Variants in IFT140 observed in about 807,000 individuals in gnomAD.
IFT140 encodes intraflagellar transport protein 140 homolog.
A neutral mutation model predicts 164.6 loss-of-function variants in IFT140; 133 were observed. The ratio of observed to expected loss-of-function variants is 0.81; its 90% CI spans 0.70 to 0.93. The LOEUF is 0.93. Among genes scored for constraint, IFT140 ranks in the 40% least tolerant of loss-of-function variants. IFT140 has a pLI of 0.00. For missense variants in IFT140, 2,045 were observed against 1,972.3 expected, an observed-to-expected ratio of 1.04 and a Z score of -0.70; for synonymous variants, 860 against 817.3, an observed-to-expected ratio of 1.05 and a Z score of -0.89.
chr16:1,565,584 C>T (rs1343959617), intron 16 of IFT140, among the ~76,000 whole-genome samples: 1 of 152,180 alleles, frequency 6.6e-6, no homozygotes, highest in African/African-American at 2.4e-5. Context: ...ATATGCAGGC[C>T]CCAGGGTGCC....
At chr16:1,540,125 C>T (rs955711675) in intron 19 of IFT140, among the ~76,000 whole-genome samples, 15 of 152,194 alleles carry the variant, frequency 9.9e-5, no homozygotes, top group African/African-American at 3.6e-4. Flanking sequence ...ACGCCGAAAG[C>T]CTAGACTGAG....
intron 15 of IFT140, 40 bp from the exon 16 acceptor site, chr16:1,566,331 C>A (rs1489579135): frequency 6.2e-7 from 1 of 1,607,736 alleles, no homozygotes; most frequent in Admixed American, 1.7e-5. Context: ...GGAGCCTGCC[C>A]AGACCAGCGG....
intron 19 of IFT140, 63 bp downstream of exon 19, chr16:1,557,872 G>T: frequency 6.6e-7 from 1 of 1,507,880 alleles, no homozygotes. Flanking sequence ...AGGCAAACAG[G>T]GAGAAAGGAA....
chr16:1,596,906 G>A (rs904938571), intron 4 of IFT140, among the ~76,000 whole-genome samples: 1 of 152,060 alleles, frequency 6.6e-6, no homozygotes, highest in Non-Finnish European at 1.5e-5. Flanking sequence ...TGAATTCTGC[G>A]TTATTTCACA....
intron 14 of IFT140, among the ~76,000 whole-genome samples, chr16:1,569,213 T>C (rs2033891750): frequency 6.6e-6 from 1 of 152,064 alleles, no homozygotes; most frequent in Admixed American, 6.6e-5. Context: ...TTCACCGTGT[T>C]AGCCAAGATG....
intron 14 of IFT140, among the ~76,000 whole-genome samples, chr16:1,569,490 C>T (rs1262929897): frequency 2.8e-5 from 4 of 143,256 alleles, no homozygotes; most frequent in Non-Finnish European, 6.1e-5. Context: ...TCTTTCCCTC[C>T]TCCCTCCCTC....
intron 17 of IFT140, among the ~76,000 whole-genome samples, chr16:1,562,560 T>G (rs1596369743): frequency 6.6e-6 from 1 of 151,928 alleles, no homozygotes; most frequent in Admixed American, 6.6e-5. Context: ...GATCACGAGG[T>G]CAGGAGTTTG....
At chr16:1,588,674 T>A (rs936404442) in intron 7 of IFT140, among the ~76,000 whole-genome samples, 17 of 151,936 alleles carry the variant, frequency 1.1e-4, no homozygotes, top group Non-Finnish European at 8.8e-5. Context: ...AGGCCTATCA[T>A]CCCTGTTTTG....
chr16:1,519,660 CTCTCTCAGCG>C (rs2040460991), intron 29 of IFT140, among the ~76,000 whole-genome samples: 2 of 152,230 alleles, frequency 1.3e-5, no homozygotes. Context: ...CACCAGGTTT[CTCTCTCAGCG>C]TCTCTGGTGT....
chr16:1,554,255 G>T, intron 19 of IFT140: 1 of 551,944 alleles, frequency 1.8e-6, no homozygotes, highest in Non-Finnish European at 2.8e-6. Flanking sequence ...ACTGTCAGAA[G>T]CATAGCTCTG....
intron 19 of IFT140, among the ~76,000 whole-genome samples, chr16:1,538,255 C>T (rs937154611): frequency 1.3e-5 from 2 of 152,172 alleles, no homozygotes; most frequent in Non-Finnish European, 1.5e-5. Context: ...TTGTGGGGCA[C>T]GGCTGCTGCA....
At chr16:1,521,992 G>A (rs1234685102) in intron 26 of IFT140, among the ~76,000 whole-genome samples, 1 of 151,866 alleles carries the variant, frequency 6.6e-6, no homozygotes, top group Non-Finnish European at 1.5e-5. Flanking sequence ...GGAGGCCGAG[G>A]TAGGTAAATC....
chr16:1,546,470 G>A (rs931250987), intron 19 of IFT140, among the ~76,000 whole-genome samples: 1 of 152,202 alleles, frequency 6.6e-6, no homozygotes, highest in East Asian at 1.9e-4. Context: ...GTGCAGTGGA[G>A]AGTGACCACT....
rs141326397 is a variant in IFT140 at position 1,512,342 on chromosome 16, G to A, written c.4183-1192C>T. ...CTGTGCTCAGATGATGGATGATGGC[G>A]GGAAAGCTGAGCGGATATAGGAGCT... On this transcript the variant is annotated intron_variant, in intron 30 of 30. Transcript: ENST00000426508. Among the ~76,000 whole-genome samples, 1,272 of 152,178 alleles carry A rather than the reference G, an allele frequency of 8.4e-3. 5 individuals are homozygous for A. Among genetic ancestry groups the A allele is most frequent in the Non-Finnish European group, 0.014 (979 of 67,990 alleles).
chr16:1,578,382 G>A (rs1334892766), intron 13 of IFT140: 1 of 152,100 alleles, frequency 6.6e-6, no homozygotes, highest in African/African-American at 2.4e-5. Flanking sequence ...CACAACGATA[G>A]CTAAAATCAG....
Position 1,581,998 on chromosome 16 carries a change from C to T in IFT140, c.1433-1148G>A, listed in dbSNP as rs573316697. Among the ~76,000 whole-genome samples the T allele has an allele frequency of 4.4e-4, 67 of 152,086 alleles. 3 individuals are homozygous for T. In the South Asian group the frequency reaches 6.5e-3, roughly 15 times the overall value. The stretch of plus-strand genomic sequence containing the variant: ...GAAGAGGTGGGGGCGTTCAAACACA[C>T]GAGGGGGCAACCGCCCTGGGAAGAG... On this transcript the variant is annotated intron_variant, in intron 12 of 30. Transcript: ENST00000426508.
chr16:1,532,691 G>C (rs1596316749), intron 19 of IFT140: 1 of 152,310 alleles, frequency 6.6e-6, no homozygotes, highest in East Asian at 1.9e-4. Context: ...CTGCATTCAC[G>C]AAGCTTTGGA....
At chr16:1,520,415 G>C in intron 27 of IFT140, 72 bp from the exon 28 acceptor site, 1 of 1,521,674 alleles carries the variant, frequency 6.6e-7, no homozygotes, top group East Asian at 2.3e-5. Flanking sequence ...CCCCGAGCAG[G>C]AGCTCTCACA....
intron 2 of IFT140, among the ~76,000 whole-genome samples, chr16:1,609,413 C>A (rs771379658): frequency 5.3e-5 from 8 of 152,152 alleles, no homozygotes; most frequent in Non-Finnish European, 7.4e-5. Flanking sequence ...TTGTCGTGTG[C>A]TTCTTGCCCA....
Sources: gnomAD v4.1 joint callset for allele counts (sites outside exome capture counted in the v4.1 genomes callset) on GRCh38, gnomAD v4.1.1 for gene constraint, MANE v1.5 for transcripts, NCBI Gene and HGNC (gene_info 2026-07-23, HGNC 2026-07-21) for gene names.